TAF3: variants seen among roughly 807,000 people sequenced by gnomAD.
TAF3 encodes TATA-box binding protein associated factor 3.
In TAF3, 7 loss-of-function variants were observed where a neutral mutation model predicts 80.6. The ratio of observed to expected loss-of-function variants is 0.09; its 90% CI spans 0.05 to 0.16. The LOEUF (loss-of-function observed/expected upper bound fraction) is 0.16. Ranked by LOEUF, TAF3 falls within the 10% of genes least tolerant of loss-of-function variation. The pLI, the probability that TAF3 is intolerant of heterozygous loss-of-function variation, is 1.00. For synonymous variants in TAF3, 444 were observed against 446.1 expected (o/e 1.00, Z 0.06); for missense variants, 921 against 1,140.2 (o/e 0.81, Z 2.77).
chr10:8,013,691 A>G (rs372920722), intron 5 of TAF3, 40 bp from the exon 6 acceptor site: 1 of 1,565,930 alleles, frequency 6.4e-7, no homozygotes, highest in African/African-American at 1.4e-5. Context: ...TTTTTTTCCC[A>G]TTCCCTCCAT....
chr10:7,959,584 GT>G lies in TAF3; in HGVS notation c.410-4328del, dbSNP rs200035612. ...TACTTTAAATCAAGCTTAATGTTAA[GT>G]TTTTTTTACTGAAACACAAACAACC... On this transcript the variant is annotated intron_variant, in intron 2 of 6. Coordinates refer to ENST00000344293, the MANE Select transcript of TAF3 (RefSeq NM_031923.4). Among the ~76,000 whole-genome samples the G allele has an allele frequency of 3.7e-3, 569 of 152,102 alleles. 4 individuals are homozygous for G. Among genetic ancestry groups the G allele is most frequent in the South Asian group, 0.02 (97 of 4,818 alleles).
chr10:7,964,847 C>T lies in TAF3; in HGVS notation c.1337C>T (p.Ser446Leu). The change falls in exon 3 of 7, where the codon TCA (serine) becomes TTA (leucine). Residue 446 changes from serine to leucine, a missense_variant. Physicochemically the swap from Ser to Leu is moderately radical, Grantham distance 145 (BLOSUM62 -2). Transcript: ENST00000344293. This position sits in a 1 kb window ranked among gnomAD's most constrained non-coding sequence, Gnocchi z 4.1. The part of the protein sequence containing the change: ...ASTSANNFTK[S>L]GSTPLPLSGG... Reference sequence around the variant, plus strand: ...ACTTCCGCGAACAATTTCACAAAGTCAGGATCCACTCCTCTGCCTCTTTCC... The same window carrying T: ...ACTTCCGCGAACAATTTCACAAAGTTAGGATCCACTCCTCTGCCTCTTTCC... The T allele has an allele frequency of 6.2e-7, 1 of 1,614,198 alleles. No homozygotes were observed. The highest frequency in any genetic ancestry group is 1.1e-5 in the South Asian group (1 of 91,086).
At chr10:7,977,407 A>G in intron 4 of TAF3, 84 bp downstream of exon 4, 3 of 1,321,262 alleles carry the variant, frequency 2.3e-6, no homozygotes, top group Non-Finnish European at 3.2e-6. Context: ...GAATTCCACA[A>G]GCTTCTCCCA....
chr10:7,856,669 AAGGGC>A (rs1837082887), intron 2 of TAF3, among the ~76,000 whole-genome samples: 1 of 152,122 alleles, frequency 6.6e-6, no homozygotes, highest in African/African-American at 2.4e-5. Flanking sequence ...TAAAAGGAAC[AAGGGC>A]TCCTTCGAAA....
At chr10:7,963,814 AAAAG>A (rs1229028523) in intron 2 of TAF3, 102 bp from the exon 3 acceptor site, 5 of 1,197,084 alleles carry the variant, frequency 4.2e-6, no homozygotes, top group Non-Finnish European at 5.6e-6. Flanking sequence ...ATAATAATAA[AAAAG>A]AAAGAAAAAA....
intron 2 of TAF3, among the ~76,000 whole-genome samples, chr10:7,860,984 C>T (rs1430442053): frequency 9.3e-5 from 14 of 150,596 alleles, no homozygotes; most frequent in Non-Finnish European, 1.8e-4. Flanking sequence ...TTTTGTGAGA[C>T]GGAGTCTTGC....
chr10:7,870,220 A>G (rs1218397066), intron 2 of TAF3, among the ~76,000 whole-genome samples: 2 of 152,234 alleles, frequency 1.3e-5, no homozygotes, highest in East Asian at 3.8e-4. Context: ...CTCTGATCCC[A>G]AGTCCATCAT....
intron 2 of TAF3, among the ~76,000 whole-genome samples, chr10:7,874,271 T>C (rs1837294617): frequency 6.6e-6 from 1 of 152,228 alleles, no homozygotes; most frequent in African/African-American, 2.4e-5. Context: ...TTTAAACTTG[T>C]ACTGATGAAG....
chr10:7,863,608 T>TA (rs1230925353), intron 2 of TAF3, among the ~76,000 whole-genome samples: 579 of 20,450 alleles, frequency 0.028, 116 homozygotes, highest in African/African-American at 0.11. Context: ...AAACTCTGTC[T>TA]AAAAAAAAAA....
intron 2 of TAF3, among the ~76,000 whole-genome samples, chr10:7,962,092 C>T (rs1358391008): frequency 6.6e-6 from 1 of 152,154 alleles, no homozygotes; most frequent in Admixed American, 6.5e-5. Context: ...CTCAGGTAAT[C>T]CTACTCCCTC....
At chr10:7,933,879 T>C (rs917528150) in intron 2 of TAF3, among the ~76,000 whole-genome samples, 3 of 152,222 alleles carry the variant, frequency 2.0e-5, no homozygotes, top group African/African-American at 7.2e-5. Context: ...AGATGCACGT[T>C]TTCCCCCCGA....
chr10:7,994,996 GAAAA>G (rs1291063361), intron 4 of TAF3, among the ~76,000 whole-genome samples: 7 of 125,848 alleles, frequency 5.6e-5, no homozygotes, highest in Admixed American at 1.5e-4. Context: ...AAAAAAAAAA[GAAAA>G]AAGAAATCCT....
chr10:8,014,879 A>G lies in TAF3; in HGVS notation c.*128A>G. 1 of 809,640 alleles carries G rather than the reference A, an allele frequency of 1.2e-6. No homozygotes were observed. Among genetic ancestry groups the G allele is most frequent in the Non-Finnish European group, 1.9e-6 (1 of 520,020 alleles). 50.2% of individuals were successfully genotyped at this position (809,640 alleles called of 1,614,324 possible). On this transcript the variant is annotated 3_prime_UTR_variant, in exon 7 of 7. Coordinates refer to ENST00000344293, the MANE Select transcript of TAF3 (RefSeq NM_031923.4). ...GCCTGTGGATAAAGAACCCAGGAGG[A>G]CTGAGGCTGGAACACACCGCGCACC... is the stretch of plus-strand genomic sequence containing the variant.
At chr10:7,882,855 C>G (rs924242664) in intron 2 of TAF3, among the ~76,000 whole-genome samples, 1 of 152,202 alleles carries the variant, frequency 6.6e-6, no homozygotes, top group East Asian at 1.9e-4. Flanking sequence ...CCTAAGTATT[C>G]TTTACGTAGA....
intron 2 of TAF3, among the ~76,000 whole-genome samples, chr10:7,932,183 C>T (rs890913116): frequency 1.3e-5 from 2 of 152,070 alleles, no homozygotes; most frequent in African/African-American, 4.8e-5. Flanking sequence ...AACATGCTAC[C>T]TCTATCAGTC....
At chr10:7,989,494 G>T (rs1310768988) in intron 4 of TAF3, among the ~76,000 whole-genome samples, 2 of 152,154 alleles carry the variant, frequency 1.3e-5, no homozygotes, top group Non-Finnish European at 2.9e-5. Context: ...TATAAATTGT[G>T]TTGCTGTTTT....
chr10:7,919,664 C>T (rs1180625555), intron 2 of TAF3, among the ~76,000 whole-genome samples: 1 of 152,018 alleles, frequency 6.6e-6, no homozygotes, highest in Non-Finnish European at 1.5e-5. Flanking sequence ...CTACATATAA[C>T]CTCCCATATA....
In TAF3 at chr10:7,965,750, GT is replaced by G; in HGVS notation, c.2232+11del. 2.0e-6 allele frequency: 3 copies of G among 1,519,308 alleles called. No individual in the cohort carries two copies. The South Asian group carries it at 4.3e-5, about 22-fold the overall frequency. 94.1% of individuals were successfully genotyped at this position (1,519,308 alleles called of 1,614,324 possible). On this transcript the variant is annotated intron_variant, in intron 3 of 6. Transcript: ENST00000344293. ...AAACACAAGCATGAAAAAGTAAGCA[GT>G]TTCTCATTTTTGGCCCTATCTGAAC...
chr10:7,918,993 A>T (rs1310808673), intron 2 of TAF3, among the ~76,000 whole-genome samples: 1 of 152,178 alleles, frequency 6.6e-6, no homozygotes, highest in African/African-American at 2.4e-5. Context: ...GGGGGCTGTG[A>T]TGGAGGTAGA....
Sources: gnomAD v4.1 joint callset for allele counts (sites outside exome capture counted in the v4.1 genomes callset) on GRCh38, gnomAD v4.1.1 for gene constraint, Gnocchi (gnomAD v3.1) non-coding constraint, MANE v1.5 for transcripts, NCBI Gene and HGNC (gene_info 2026-07-23, HGNC 2026-07-21) for gene names.